GPR137B: variants seen among roughly 807,000 people sequenced by gnomAD.
GPR137B encodes the protein G protein-coupled receptor 137B.
In GPR137B, 42 loss-of-function variants were observed where a neutral mutation model predicts 42.5. The observed-to-expected ratio is 0.99, with a 90% CI of 0.77 to 1.28. The LOEUF is 1.28. Among genes scored for constraint, GPR137B ranks in the 50% most tolerant of loss-of-function variants. GPR137B has a pLI of 0.00. For synonymous variants in GPR137B, 218 were observed against 209.7 expected (o/e 1.04, Z -0.34); for missense variants, 487 against 493.9 (o/e 0.99, Z 0.13).
In GPR137B at chr1:236,142,839, A is replaced by G. The variant is rs989882835; in HGVS notation, c.217A>G (p.Lys73Glu). The G allele has an allele frequency of 1.2e-6, 2 of 1,614,158 alleles. No homozygotes were observed. The highest frequency in any genetic ancestry group is 2.2e-5 in the East Asian group (1 of 44,872). ...CTGGCTGGTGCTGCGTTACCGCCAC[A>G]AGCGGCTCAGCTACCAGAGCGTCTT... is the stretch of plus-strand genomic sequence containing the variant. Reference protein sequence around the residue: ...QLWLVLRYRHKRLSYQSVFLF... With the variant: ...QLWLVLRYRHERLSYQSVFLF... Residue 73 changes from lysine to glutamate, a missense_variant, in exon 1 of 7, where the codon AAG becomes GAG. Coordinates refer to ENST00000366592, the MANE Select transcript of GPR137B (RefSeq NM_003272.4).
intron 2 of GPR137B, among the ~76,000 whole-genome samples, chr1:236,177,714 C>G (rs766118639): frequency 7.9e-5 from 12 of 151,910 alleles, no homozygotes; most frequent in Non-Finnish European, 5.9e-5. Flanking sequence ...TGCCACCACA[C>G]CCAGCTAATT....
intron 5 of GPR137B, among the ~76,000 whole-genome samples, chr1:236,190,641 A>G (rs1663167306): frequency 6.9e-6 from 1 of 145,886 alleles, no homozygotes; most frequent in Non-Finnish European, 1.5e-5. Flanking sequence ...TTTTTCTTTA[A>G]GAATGTTGAA....
At chr1:236,167,339 G>A (rs1260154292) in intron 1 of GPR137B, among the ~76,000 whole-genome samples, 4 of 152,282 alleles carry the variant, frequency 2.6e-5, no homozygotes, top group East Asian at 3.9e-4. Context: ...TAGTCACCAC[G>A]CTGTAGGAGA....
intron 5 of GPR137B, among the ~76,000 whole-genome samples, chr1:236,201,334 G>A (rs1294579736): frequency 6.6e-6 from 1 of 152,026 alleles, no homozygotes; most frequent in East Asian, 1.9e-4. Context: ...TCTCTAGTGA[G>A]GCCAGGGAAG....
intron 2 of GPR137B, among the ~76,000 whole-genome samples, chr1:236,173,162 G>A (rs541638252): frequency 9.2e-5 from 14 of 151,666 alleles, no homozygotes; most frequent in South Asian, 4.2e-4. Context: ...GTAGTGGTGC[G>A]CGCCTGTATT....
intron 5 of GPR137B, among the ~76,000 whole-genome samples, chr1:236,186,096 T>C (rs1027761243): frequency 1.3e-5 from 2 of 149,154 alleles, no homozygotes; most frequent in Non-Finnish European, 3.0e-5. Flanking sequence ...TTGTAACATA[T>C]ATTTGTACTT....
intron 2 of GPR137B, among the ~76,000 whole-genome samples, chr1:236,172,324 C>T (rs1341430357): frequency 6.6e-6 from 1 of 152,192 alleles, no homozygotes; most frequent in Non-Finnish European, 1.5e-5. Flanking sequence ...TGGCTTCCCT[C>T]ATTTAATCAT....
intron 1 of GPR137B, among the ~76,000 whole-genome samples, chr1:236,145,325 G>C (rs1225519391): frequency 6.6e-6 from 1 of 152,196 alleles, no homozygotes; most frequent in East Asian, 1.9e-4. Flanking sequence ...AAGAATGACT[G>C]TTGCTTGGGC....
chr1:236,167,747 C>G (rs941354015), intron 1 of GPR137B, among the ~76,000 whole-genome samples: 1 of 152,188 alleles, frequency 6.6e-6, no homozygotes, highest in African/African-American at 2.4e-5. Context: ...AGAGACCCCC[C>G]ACTGAGATCC....
chr1:236,203,203 G>A (rs1355636463), intron 5 of GPR137B, among the ~76,000 whole-genome samples: 4 of 151,994 alleles, frequency 2.6e-5, no homozygotes, highest in Admixed American at 6.6e-5. Flanking sequence ...TCAGCCTCCC[G>A]AGTAGCTGGG....
chr1:236,143,120 C>T, intron 1 of GPR137B, 84 bp downstream of exon 1: 1 of 1,233,082 alleles, frequency 8.1e-7, no homozygotes, highest in Non-Finnish European at 1.1e-6. Flanking sequence ...ATGGCAGCCG[C>T]GGGGGCGGGT....
At chr1:236,204,774 G>A (rs556730262) in intron 5 of GPR137B, among the ~76,000 whole-genome samples, 6 of 152,138 alleles carry the variant, frequency 3.9e-5, no homozygotes, top group South Asian at 2.1e-4. Flanking sequence ...TAGTCTTTCC[G>A]GTTTAGTCTT....
At chr1:236,166,504 TTA>T (rs956656899) in intron 1 of GPR137B, among the ~76,000 whole-genome samples, 1 of 142,648 alleles carries the variant, frequency 7.0e-6, no homozygotes, top group African/African-American at 2.7e-5. Flanking sequence ...ATATATATAT[TTA>T]TATATATACA....
chr1:236,166,253 C>G (rs1228656479), intron 1 of GPR137B, among the ~76,000 whole-genome samples: 1 of 151,898 alleles, frequency 6.6e-6, no homozygotes, highest in African/African-American at 2.4e-5. Context: ...ACTTTGGAGT[C>G]ATGTATTAAT....
At chr1:236,208,027 T>A in intron 6 of GPR137B, 23 bp from the exon 7 acceptor site, 1 of 1,565,600 alleles carries the variant, frequency 6.4e-7, no homozygotes, top group Non-Finnish European at 8.8e-7. Context: ...TTCAAGTCAC[T>A]GAAATATTTT....
chr1:236,208,485 C>A lies in GPR137B; in HGVS notation c.*327C>A. On this transcript the variant is annotated 3_prime_UTR_variant, in exon 7 of 7. Coordinates refer to ENST00000366592, the MANE Select transcript of GPR137B (RefSeq NM_003272.4). Reference sequence around the variant, plus strand: ...TTTTTCTTGAGAATGTTACTGCAATCATGTTGTAGTTTGCACAGACTTTTA... The same window carrying A: ...TTTTTCTTGAGAATGTTACTGCAATAATGTTGTAGTTTGCACAGACTTTTA... 1.1e-6 allele frequency: 1 copy of A among 896,178 alleles called. No homozygotes were observed. The highest frequency in any genetic ancestry group is 1.4e-6 in the Non-Finnish European group (1 of 731,496). The allele number at this position is 896,178 out of a possible 1,614,324, so 55.5% of individuals were successfully genotyped here. A position where few individuals can be genotyped will look rare whatever the true frequency, so the allele number is the denominator to read the frequency against.
chr1:236,152,849 A>C (rs532085601), intron 1 of GPR137B, among the ~76,000 whole-genome samples: 1 of 151,706 alleles, frequency 6.6e-6, no homozygotes, highest in South Asian at 2.1e-4. Flanking sequence ...TGAGGTCAGG[A>C]GTTCGAGACC....
At chr1:236,143,861 A>AG (rs1661607009) in intron 1 of GPR137B, among the ~76,000 whole-genome samples, 1 of 152,236 alleles carries the variant, frequency 6.6e-6, no homozygotes, top group Non-Finnish European at 1.5e-5. Flanking sequence ...CACTTTGCAA[A>AG]TACTTTGTAT....
intron 5 of GPR137B, among the ~76,000 whole-genome samples, chr1:236,201,587 AG>A (rs1184274381): frequency 6.6e-6 from 1 of 152,012 alleles, no homozygotes; most frequent in Non-Finnish European, 1.5e-5. Flanking sequence ...TTATCCTCCA[AG>A]TGCGTCTTTC....
Sources: allele counts gnomAD v4.1 joint callset (sites outside exome capture counted in the v4.1 genomes callset), GRCh38; gene constraint gnomAD v4.1.1; transcripts MANE v1.5; gene names NCBI Gene and HGNC (gene_info 2026-07-23, HGNC 2026-07-21).